The following LRP1B variants were observed in gnomAD, a reference collection of about 807,000 sequenced individuals.
LRP1B encodes the protein low-density lipoprotein receptor-related protein 1B.
A neutral mutation model predicts 556.6 loss-of-function variants in LRP1B; 217 were observed. The ratio of observed to expected loss-of-function variants is 0.39; its 90% CI spans 0.35 to 0.44. LRP1B has a LOEUF of 0.44. LRP1B is among the 20% of genes least tolerant of loss of function. LRP1B has a pLI of 1.00. For missense variants in LRP1B, 5,053 were observed against 5,620.8 expected (o/e 0.90, Z 3.23); for synonymous variants, 2,047 against 1,865.8 (o/e 1.10, Z -2.50).
At chr2:141,384,349 T>A (rs563312306) in intron 3 of LRP1B, among the ~76,000 whole-genome samples, 72 of 152,268 alleles carry the variant, frequency 4.7e-4, no homozygotes, top group Admixed American at 1.7e-3. Context: ...AAATTTAAAA[T>A]CTAGTATTAT....
chr2:141,100,650 G>T lies in LRP1B; in HGVS notation c.1014-38377C>A, dbSNP rs188947264. Among the ~76,000 whole-genome samples the T allele has an allele frequency of 1.3e-3, 201 of 152,244 alleles. 1 individual carries two copies. Among genetic ancestry groups the T allele is most frequent in the African/African-American group, 4.0e-3 (165 of 41,560 alleles). On this transcript the variant is annotated intron_variant, in intron 7 of 90. Transcript: ENST00000389484. ...GGGTACCTAGAAGAAAGGAAACCTG[G>T]CCTTTTATTCCTTGGATGAATGTTT...
At chr2:140,686,002 T>A (rs1440457930) in intron 41 of LRP1B, among the ~76,000 whole-genome samples, 1 of 152,100 alleles carries the variant, frequency 6.6e-6, no homozygotes, top group Non-Finnish European at 1.5e-5. Context: ...AGACTGAACT[T>A]CATGGTGTGA....
chr2:140,590,551 T>C (rs1574115006), intron 43 of LRP1B, among the ~76,000 whole-genome samples: 1 of 127,744 alleles, frequency 7.8e-6, no homozygotes, highest in African/African-American at 3.0e-5. Flanking sequence ...GTGGCCTAGA[T>C]CTCTTTCTCT....
chr2:141,770,999 C>G (rs962361817), intron 2 of LRP1B, among the ~76,000 whole-genome samples: 3 of 152,108 alleles, frequency 2.0e-5, no homozygotes, highest in African/African-American at 7.2e-5. Flanking sequence ...TGGATTGAAC[C>G]ACTGGACTGA....
intron 2 of LRP1B, among the ~76,000 whole-genome samples, chr2:141,617,899 G>T (rs1688366752): frequency 6.6e-6 from 1 of 151,788 alleles, no homozygotes; most frequent in Non-Finnish European, 1.5e-5. Context: ...TTATTTTAAG[G>T]CTTAAAACAA....
chr2:140,736,256 A>G (rs1687942895), intron 35 of LRP1B, among the ~76,000 whole-genome samples: 1 of 152,166 alleles, frequency 6.6e-6, no homozygotes, highest in Non-Finnish European at 1.5e-5. Flanking sequence ...TAGGGCTGAT[A>G]GTACTGTAGT....
chr2:140,521,882 G>A (rs1033009300), intron 49 of LRP1B, among the ~76,000 whole-genome samples: 1 of 151,892 alleles, frequency 6.6e-6, no homozygotes, highest in African/African-American at 2.4e-5. Context: ...TCGTATATCA[G>A]ATATAATAGA....
chr2:140,484,537 G>T (rs1688386092), intron 59 of LRP1B, among the ~76,000 whole-genome samples: 1 of 152,166 alleles, frequency 6.6e-6, no homozygotes, highest in South Asian at 2.1e-4. Flanking sequence ...CTTTAAATTT[G>T]TTATTTTACC....
chr2:140,777,906 GA>G (rs1689553863), intron 32 of LRP1B, among the ~76,000 whole-genome samples: 1 of 131,386 alleles, frequency 7.6e-6, no homozygotes, highest in African/African-American at 2.5e-5. Flanking sequence ...AGAAACCTCA[GA>G]AAATGGTAGG....
intron 18 of LRP1B, among the ~76,000 whole-genome samples, chr2:140,974,903 T>C (rs1285837369): frequency 6.6e-6 from 1 of 152,172 alleles, no homozygotes; most frequent in Non-Finnish European, 1.5e-5. Context: ...ATTCATGAAA[T>C]TGTGTGGTTC....
intron 31 of LRP1B, among the ~76,000 whole-genome samples, chr2:140,839,448 A>AC (rs1559149418): frequency 6.6e-6 from 1 of 152,170 alleles, no homozygotes; most frequent in Non-Finnish European, 1.5e-5. Flanking sequence ...CTGGGTGGGC[A>AC]CCACCTAATC....
At chr2:141,307,799 C>T (rs1686653329) in intron 3 of LRP1B, among the ~76,000 whole-genome samples, 1 of 152,062 alleles carries the variant, frequency 6.6e-6, no homozygotes, top group Non-Finnish European at 1.5e-5. Context: ...ATTCTTGGGC[C>T]TTCAGATAGG....
intron 35 of LRP1B, among the ~76,000 whole-genome samples, chr2:140,758,868 T>C (rs1688826243): frequency 6.6e-6 from 1 of 152,094 alleles, no homozygotes; most frequent in Non-Finnish European, 1.5e-5. Flanking sequence ...TCTCTATTAA[T>C]GAGAATAGTA....
At chr2:141,539,333 C>A (rs549994235) in intron 2 of LRP1B, among the ~76,000 whole-genome samples, 2 of 152,216 alleles carry the variant, frequency 1.3e-5, no homozygotes, top group African/African-American at 4.8e-5. Context: ...CTTTTAAAAA[C>A]AGGCATTTTT....
At chr2:141,941,189 T>G (rs1700788604) in intron 1 of LRP1B, among the ~76,000 whole-genome samples, 1 of 152,230 alleles carries the variant, frequency 6.6e-6, no homozygotes, top group Non-Finnish European at 1.5e-5. Flanking sequence ...ATAGATGAGT[T>G]AACATTTATT....
At chr2:141,308,087 T>C (rs1395964090) in intron 3 of LRP1B, among the ~76,000 whole-genome samples, 3 of 152,068 alleles carry the variant, frequency 2.0e-5, no homozygotes, top group African/African-American at 7.2e-5. Flanking sequence ...GTGGAAGAGA[T>C]TGAGTGATCT....
At chr2:140,665,421 A>G (rs1685234061) in intron 41 of LRP1B, among the ~76,000 whole-genome samples, 1 of 152,218 alleles carries the variant, frequency 6.6e-6, no homozygotes, top group African/African-American at 2.4e-5. Flanking sequence ...ACTCTATGAA[A>G]ATAAGTAAAC....
intron 3 of LRP1B, among the ~76,000 whole-genome samples, chr2:141,298,361 A>G (rs1288189367): frequency 6.6e-6 from 1 of 152,092 alleles, no homozygotes. Flanking sequence ...TAATCATGTA[A>G]TTTAAGGTGG....
At chr2:140,439,221 A>G (rs1686320500) in intron 66 of LRP1B, among the ~76,000 whole-genome samples, 1 of 152,178 alleles carries the variant, frequency 6.6e-6, no homozygotes. Context: ...GAGCTGCTAC[A>G]ATTGGGATAT....
Sources: gnomAD v4.1 joint callset for allele counts (sites outside exome capture counted in the v4.1 genomes callset) on GRCh38, gnomAD v4.1.1 for gene constraint, MANE v1.5 for transcripts, NCBI Gene and HGNC (gene_info 2026-07-23, HGNC 2026-07-21) for gene names.